HADHA: variants seen among roughly 807,000 people sequenced by gnomAD.
The protein encoded by HADHA is trifunctional enzyme subunit alpha, mitochondrial.
A neutral mutation model predicts 91.3 loss-of-function variants in HADHA; 59 were observed. The observed-to-expected ratio is 0.65, with a 90% confidence interval of 0.52 to 0.80. HADHA has a LOEUF of 0.80. Among genes scored for constraint, HADHA ranks in the 30% least tolerant of loss-of-function variants. HADHA has a pLI of 0.00. For synonymous variants in HADHA, 320 were observed against 338.9 expected, an observed-to-expected ratio of 0.94 and a Z score of 0.61; for missense variants, 800 against 927.6, an observed-to-expected ratio of 0.86 and a Z score of 1.79.
At chr2:26,211,205 G>A (rs568483588) in intron 10 of HADHA, among the ~76,000 whole-genome samples, 2 of 152,164 alleles carry the variant, frequency 1.3e-5, no homozygotes, top group African/African-American at 4.8e-5. Context: ...TTACTGATTC[G>A]TGAAACTTAT....
intron 13 of HADHA, among the ~76,000 whole-genome samples, chr2:26,198,055 G>A (rs187094345): frequency 5.0e-4 from 76 of 152,236 alleles, no homozygotes; most frequent in African/African-American, 1.6e-3. Flanking sequence ...CAGCAGTTGG[G>A]TCAATAAAAC....
At chr2:26,200,553 A>C (rs1243193586) in intron 13 of HADHA, among the ~76,000 whole-genome samples, 2 of 152,198 alleles carry the variant, frequency 1.3e-5, no homozygotes, top group Admixed American at 6.5e-5. Flanking sequence ...TCGGCTAACC[A>C]AAAAATCTCA....
chr2:26,234,185 A>G (rs754328181), intron 5 of HADHA, 32 bp downstream of exon 5: 1 of 1,603,518 alleles, frequency 6.2e-7, no homozygotes, highest in Non-Finnish European at 8.5e-7. Flanking sequence ...AATGAGTTGG[A>G]CAGTGTCTCA....
chr2:26,201,144 C>T lies in HADHA; in HGVS notation c.1392+5G>A. The T allele has an allele frequency of 6.2e-7, 1 of 1,607,714 alleles. No homozygotes were observed. Among genetic ancestry groups the T allele is most frequent in the South Asian group, 1.1e-5 (1 of 90,982 alleles). Reference sequence around the variant, plus strand: ...AGGATTCAAGTACAACAGCCCCTTGCTTACCGCTTCTACTTCCTTTAGCAC... The same window carrying T: ...AGGATTCAAGTACAACAGCCCCTTGTTTACCGCTTCTACTTCCTTTAGCAC... On this transcript the variant is annotated splice_donor_5th_base_variant and intron_variant, in intron 13 of 19. Coordinates refer to ENST00000380649, the MANE Select transcript of HADHA (RefSeq NM_000182.5).
In HADHA at chr2:26,201,156, A is replaced by G; in HGVS notation, c.1385T>C (p.Val462Ala). 2 of 1,611,632 alleles carry G rather than the reference A, an allele frequency of 1.2e-6. No individual in the cohort carries two copies. The highest frequency in any genetic ancestry group is 1.7e-6 in the Non-Finnish European group (2 of 1,177,722). The stretch of plus-strand genomic sequence containing the variant: ...CAACAGCCCCTTGCTTACCGCTTCT[A>G]CTTCCTTTAGCACTCTGTGCTTAAG... ...LSLKHRVLKE[V>A]EAVIPDHCIF... The change falls in exon 13 of 20, where the codon GTA becomes GCA. Residue 462 changes from valine to alanine, a missense_variant. Val to Ala is a moderately conservative substitution (Grantham distance 64). Transcript: ENST00000380649.
rs1482895324 is a variant in HADHA at position 26,204,131 on chromosome 2, C to T, written c.1151G>A (p.Gly384Glu). 8 of 1,613,654 alleles carry T rather than the reference C, an allele frequency of 5.0e-6. No individual in the cohort carries two copies. The highest frequency in any genetic ancestry group is 5.9e-6 in the Non-Finnish European group (7 of 1,179,558). ...AGIAQVSVDKGLKTILKDATL... is the reference protein window; with the variant it reads ...AGIAQVSVDKELKTILKDATL... ...GGCATCTTTAAGTATAGTCTTTAGC[C>T]CCTTATCCACGGAGACTTGGGCGAT... is the stretch of plus-strand genomic sequence containing the variant. The change falls in exon 12 of 20, where the codon GGG becomes GAG. Residue 384 changes from glycine (G) to glutamate (E), a missense_variant. Transcript: ENST00000380649.
chr2:26,203,089 G>A (rs1014497957), intron 12 of HADHA, among the ~76,000 whole-genome samples: 3 of 152,196 alleles, frequency 2.0e-5, no homozygotes, highest in African/African-American at 7.2e-5. Context: ...CTAGTTTCAG[G>A]GCACTGCTGC....
In HADHA at chr2:26,236,956, C is replaced by T. The variant is rs532314552; in HGVS notation, c.213G>A (p.Glu71=). Residue 71 remains glutamate (E), a synonymous_variant, in exon 4 of 20, where the codon GAG becomes GAA. Transcript: ENST00000380649. ...VNTLSKELHS[E]FSEVMNEIWA... is the part of the protein sequence containing the mutation. ...AGATTTCATTCATAACTTCTGAGAA[C>T]TCTGAATGTAGCTCTTTACTCAGTG... 4 of 1,607,648 alleles carry T rather than the reference C, an allele frequency of 2.5e-6. No homozygotes were observed. The African/African-American group carries it at 4.0e-5, about 16-fold the overall frequency.
chr2:26,208,316 T>C (rs1230955025), intron 11 of HADHA, among the ~76,000 whole-genome samples: 1 of 152,190 alleles, frequency 6.6e-6, no homozygotes, highest in Non-Finnish European at 1.5e-5. Context: ...TTGTGGGTGC[T>C]GTCTTTCTTT....
At chr2:26,213,787 C>T (rs911275390) in intron 9 of HADHA, among the ~76,000 whole-genome samples, 2 of 152,192 alleles carry the variant, frequency 1.3e-5, no homozygotes, top group Non-Finnish European at 2.9e-5. Context: ...GAGACGAAGG[C>T]AGGTGGGGGC....
chr2:26,192,316 G>A lies in HADHA; in HGVS notation c.1994C>T (p.Ser665Phe), dbSNP rs1669530829. 6.4e-7 allele frequency: 1 copy of A among 1,553,566 alleles called. No homozygotes were observed. Among genetic ancestry groups the A allele is most frequent in the Non-Finnish European group, 8.9e-7 (1 of 1,124,728 alleles). ...GCCACTCAAACGGACTTACACTTCA[G>A]ACTTAGGAGGCAGCTTCAGACTCGC... is the stretch of plus-strand genomic sequence containing the variant. ...ILASLKLPPK[S>F]EVSSDEDIQF... The change falls in exon 18 of 20, where the codon TCT becomes TTT. Residue 665 changes from serine (S) to phenylalanine (F), a missense_variant. Coordinates refer to ENST00000380649, the MANE Select transcript of HADHA (RefSeq NM_000182.5).
chr2:26,222,378 A>G (rs1175683988), intron 7 of HADHA, among the ~76,000 whole-genome samples: 2 of 152,204 alleles, frequency 1.3e-5, no homozygotes, highest in African/African-American at 2.4e-5. Flanking sequence ...GCAAACTAAT[A>G]TACAAGGACA....
rs564775765 is a variant in HADHA at position 26,203,715 on chromosome 2, G to A, written c.1220+347C>T. On this transcript the variant is annotated intron_variant, in intron 12 of 19. Transcript: ENST00000380649. ...ATCCTTAACAATAGAGCAATTACCT[G>A]CAAACTATATCAAAATCCGCAGGCC... Among the ~76,000 whole-genome samples the A allele has an allele frequency of 2.0e-5, 3 of 152,222 alleles. No individual in the cohort carries two copies. In the South Asian group the frequency reaches 6.2e-4, roughly 32 times the overall value.
chr2:26,195,504 G>A (rs1669643440), intron 14 of HADHA, among the ~76,000 whole-genome samples: 2 of 150,528 alleles, frequency 1.3e-5, no homozygotes, highest in South Asian at 2.1e-4. Context: ...ACCACAGCTC[G>A]AGGCCAAACT....
rs1324618311 is a variant in HADHA at position 26,190,969 on chromosome 2, A to C, written c.*281T>G. On this transcript the variant is annotated 3_prime_UTR_variant, in exon 20 of 20. Transcript: ENST00000380649. The stretch of plus-strand genomic sequence containing the variant: ...CTGGCCTCTTGGGAGGAACAGGCAG[A>C]GAGGTGGCTTCAGATGGCTCTTGGC... The C allele has an allele frequency of 5.6e-6, 3 of 540,018 alleles. No homozygotes were observed. In the African/African-American group the frequency reaches 5.7e-5, roughly 10 times the overall value. The allele number at this position is 540,018 out of a possible 1,614,324, so 33.5% of individuals were successfully genotyped here. A position where few individuals can be genotyped will look rare whatever the true frequency, so the allele number is the denominator to read the frequency against.
chr2:26,235,427 T>C (rs1670723898), intron 4 of HADHA: 1 of 152,240 alleles, frequency 6.6e-6, no homozygotes, highest in Non-Finnish European at 1.5e-5. Context: ...ATTTTGTACT[T>C]TTGACCAAGG....
rs576652580 is a variant in HADHA at position 26,238,285 on chromosome 2, T to C, written c.180+649A>G. ...CCATCCAGTGTTGGGATTATAGGTGTGAGCCACAGTGCCCAGCCTGGCTAC... is the reference window on the plus strand; with the variant it reads ...CCATCCAGTGTTGGGATTATAGGTGCGAGCCACAGTGCCCAGCCTGGCTAC... On this transcript the variant is annotated intron_variant, in intron 3 of 19. Transcript: ENST00000380649. Among the ~76,000 whole-genome samples, 114 of 152,306 alleles carry C rather than the reference T, an allele frequency of 7.5e-4. 1 individual carries two copies. Among genetic ancestry groups the C allele is most frequent in the African/African-American group, 2.6e-3 (107 of 41,560 alleles).
At position 26,191,641 on chromosome 2, in the gene HADHA, A is replaced by G. The variant is rs1308904905; in HGVS notation, c.2001-13T>C. 1.9e-6 allele frequency: 3 copies of G among 1,613,704 alleles called. No homozygotes were observed. Among genetic ancestry groups the G allele is most frequent in the East Asian group, 2.2e-5 (1 of 44,886 alleles). ...TTCGTCTGATGAGCTGCCAACAGAA[A>G]GAGATGTTTAGGTAGAAGAAGAGGA... On this transcript the variant is annotated splice_polypyrimidine_tract_variant and intron_variant, in intron 18 of 19. Transcript: ENST00000380649.
chr2:26,229,348 G>GCACACACACACACACACA lies in HADHA; in HGVS notation c.676+826_676+843dup, dbSNP rs5830004. The stretch of plus-strand genomic sequence containing the variant: ...GTGAGACCCCAACATGTGTGCGCGC[G>GCACACACACACACACACA]CACACACACACACACACACACACAC... On this transcript the variant is annotated intron_variant, in intron 7 of 19. Transcript: ENST00000380649. This position sits in a 1 kb window ranked among gnomAD's most constrained non-coding sequence, Gnocchi z 4.3. Among the ~76,000 whole-genome samples the GCACACACACACACACACA allele has an allele frequency of 8.0e-4, 118 of 147,620 alleles. No individual in the cohort carries two copies. Among genetic ancestry groups the GCACACACACACACACACA allele is most frequent in the African/African-American group, 2.9e-3 (114 of 39,650 alleles).
Sources: gnomAD v4.1 joint callset for allele counts (sites outside exome capture counted in the v4.1 genomes callset) on GRCh38, gnomAD v4.1.1 for gene constraint, Gnocchi (gnomAD v3.1) non-coding constraint, MANE v1.5 for transcripts, NCBI Gene and HGNC (gene_info 2026-07-23, HGNC 2026-07-21) for gene names.